The following PRDM5 variants were observed in gnomAD, a reference collection of about 807,000 sequenced individuals.
PRDM5 encodes the protein PR/SET domain 5.
In PRDM5, 56 loss-of-function variants were observed where a neutral mutation model predicts 81.2. That is an observed-to-expected ratio of 0.69 (90% confidence interval 0.56 to 0.86). The LOEUF is 0.86. Ranked by LOEUF, PRDM5 falls within the 40% of genes least tolerant of loss-of-function variation. The pLI is 0.00. For missense variants in PRDM5, 697 were observed against 770.1 expected (o/e 0.91, Z 1.12); for synonymous variants, 267 against 256.4 (o/e 1.04, Z -0.39).
chr4:120,871,731 T>C (rs1168669043), intron 2 of PRDM5, among the ~76,000 whole-genome samples: 1 of 151,176 alleles, frequency 6.6e-6, no homozygotes, highest in Non-Finnish European at 1.5e-5. Flanking sequence ...TAAAATATTA[T>C]CGATCCTTCA....
chr4:120,856,343 T>C (rs1449413608), intron 2 of PRDM5, among the ~76,000 whole-genome samples: 5 of 152,206 alleles, frequency 3.3e-5, no homozygotes, highest in Non-Finnish European at 7.3e-5. Context: ...ACCTACATAT[T>C]CATATTTGAA....
chr4:120,741,716 C>T (rs559893452), intron 14 of PRDM5, among the ~76,000 whole-genome samples: 10 of 152,150 alleles, frequency 6.6e-5, no homozygotes, highest in Admixed American at 5.2e-4. Flanking sequence ...TGCGCTTTTC[C>T]GACAGGCTTA....
At chr4:120,907,659 G>A in intron 1 of PRDM5, 102 bp from the exon 2 acceptor site, 1 of 889,014 alleles carries the variant, frequency 1.1e-6, no homozygotes, top group Non-Finnish European at 1.9e-6. Context: ...AAATCTTCAT[G>A]CCCAAAGAAG....
intron 1 of PRDM5, among the ~76,000 whole-genome samples, chr4:120,914,190 CA>C (rs200086181): frequency 0.018 from 2,337 of 128,368 alleles, 44 homozygotes; most frequent in African/African-American, 0.059. Context: ...ATACAGCACT[CA>C]AAAAAAAAAA....
intron 2 of PRDM5, among the ~76,000 whole-genome samples, chr4:120,868,622 A>G (rs1167568864): frequency 6.6e-6 from 1 of 152,194 alleles, no homozygotes; most frequent in Admixed American, 6.5e-5. Context: ...GTAACAAGGA[A>G]AAGTGCAATG....
chr4:120,699,168 ATATAT>A (rs1734960035), intron 15 of PRDM5, among the ~76,000 whole-genome samples: 15 of 29,178 alleles, frequency 5.1e-4, no homozygotes, highest in African/African-American at 6.2e-4. Context: ...ATAAATATAT[ATATAT>A]ATATATATAT....
chr4:120,922,526 C>G lies in PRDM5; in HGVS notation c.83G>C (p.Arg28Thr). ...CGCCGGGTCACCCACCTTTCGCACT[C>G]TGCGGGCCGTGTAGAGCCCCATGCC... Reference protein sequence around the residue: ...QDGMGLYTARRVRKGEKFGPF... With the variant: ...QDGMGLYTARTVRKGEKFGPF... Residue 28 changes from arginine to threonine, a missense_variant, in exon 1 of 16, where the codon AGA becomes ACA. Physicochemically the swap from Arg to Thr is moderately conservative, Grantham distance 71. Transcript: ENST00000264808. 1 of 1,607,050 alleles carries G rather than the reference C, an allele frequency of 6.2e-7. No homozygotes were observed.
intron 3 of PRDM5, among the ~76,000 whole-genome samples, chr4:120,844,101 G>T (rs1252631650): frequency 2.0e-5 from 3 of 152,078 alleles, no homozygotes; most frequent in Non-Finnish European, 4.4e-5. Flanking sequence ...ACAGCAGGTT[G>T]TCTCTTGAGT....
chr4:120,714,237 G>T (rs1032268485), intron 14 of PRDM5, among the ~76,000 whole-genome samples: 5 of 152,236 alleles, frequency 3.3e-5, no homozygotes, highest in Middle Eastern at 3.4e-3. Flanking sequence ...GTTTTTGACT[G>T]AATATGACTA....
intron 3 of PRDM5, among the ~76,000 whole-genome samples, chr4:120,845,998 G>A (rs146420485): frequency 4.6e-5 from 7 of 152,296 alleles, no homozygotes; most frequent in South Asian, 4.1e-4. Context: ...TTAGAAGTGA[G>A]ACCTGAAGAT....
At chr4:120,861,525 T>C (rs968489323) in intron 2 of PRDM5, among the ~76,000 whole-genome samples, 2 of 152,056 alleles carry the variant, frequency 1.3e-5, no homozygotes, top group African/African-American at 4.8e-5. Flanking sequence ...GGGCTGGGTG[T>C]GGTGGCTCAC....
intron 3 of PRDM5, among the ~76,000 whole-genome samples, chr4:120,822,145 CT>C (rs1445975805): frequency 6.6e-6 from 1 of 152,184 alleles, no homozygotes; most frequent in Non-Finnish European, 1.5e-5. Context: ...TTGGAATCAA[CT>C]GATACAAAAG....
chr4:120,733,855 G>A (rs375315300), intron 14 of PRDM5, among the ~76,000 whole-genome samples: 132 of 110,964 alleles, frequency 1.2e-3, no homozygotes, highest in African/African-American at 3.9e-3. Context: ...TAAGCTCTAA[G>A]AAAAAAAGAA....
chr4:120,798,148 C>T, intron 10 of PRDM5, 119 bp downstream of exon 10: 1 of 677,874 alleles, frequency 1.5e-6, no homozygotes, highest in Non-Finnish European at 2.3e-6. Context: ...GAGTGATCTT[C>T]TCTAGTTGTT....
At chr4:120,752,371 C>T (rs968284373) in intron 14 of PRDM5, among the ~76,000 whole-genome samples, 2 of 152,132 alleles carry the variant, frequency 1.3e-5, no homozygotes, top group Admixed American at 1.3e-4. Flanking sequence ...TACCCTGTTC[C>T]TTGGATCTTC....
chr4:120,909,227 C>A (rs1490228660), intron 1 of PRDM5, among the ~76,000 whole-genome samples: 2 of 152,142 alleles, frequency 1.3e-5, no homozygotes, highest in Non-Finnish European at 2.9e-5. Flanking sequence ...TCCACTTCAC[C>A]AAGCCAACAC....
chr4:120,794,774 C>T (rs1751111340), intron 10 of PRDM5, among the ~76,000 whole-genome samples: 1 of 152,180 alleles, frequency 6.6e-6, no homozygotes, highest in Non-Finnish European at 1.5e-5. Context: ...CAGGCGTGCG[C>T]CACAACACCC....
At chr4:120,874,239 T>C (rs17050462) in intron 2 of PRDM5, among the ~76,000 whole-genome samples, 3,227 of 152,284 alleles carry the variant, frequency 0.021, 114 homozygotes, top group African/African-American at 0.072. Context: ...CAGTCAATTG[T>C]CCAAGTAATC....
At chr4:120,916,183 G>A (rs1018629798) in intron 1 of PRDM5, among the ~76,000 whole-genome samples, 8 of 152,108 alleles carry the variant, frequency 5.3e-5, no homozygotes, top group Admixed American at 1.3e-4. Context: ...GAGGTCAGGA[G>A]TTCGAGATCA....
Sources: gnomAD v4.1 joint callset for allele counts (sites outside exome capture counted in the v4.1 genomes callset) on GRCh38, gnomAD v4.1.1 for gene constraint, MANE v1.5 for transcripts, NCBI Gene and HGNC (gene_info 2026-07-23, HGNC 2026-07-21) for gene names.